MAN2C1: variants seen among roughly 807,000 people sequenced by gnomAD.
The protein encoded by MAN2C1 is alpha-mannosidase 2C1.
MAN2C1 carries 111 observed loss-of-function variants against 126.9 expected under a neutral mutation model. That is an observed-to-expected ratio of 0.87 (90% CI 0.75 to 1.02). The LOEUF (loss-of-function observed/expected upper bound fraction) is 1.02, where lower values mean the gene tolerates loss of function less well. Among genes scored for constraint, MAN2C1 ranks in the 50% least tolerant of loss-of-function variants. The probability of loss-of-function intolerance (pLI) is 0.00; values close to 1 mark genes in which losing one functional copy is unlikely to be tolerated. For synonymous variants in MAN2C1, 567 were observed against 561.5 expected, an observed-to-expected ratio of 1.01 and a Z score of -0.14; for missense variants, 1,363 against 1,364.4, an observed-to-expected ratio of 1.00 and a Z score of 0.02.
chr15:75,356,385 C>T lies in MAN2C1; in HGVS notation c.2802G>A (p.Leu934=). The T allele has an allele frequency of 6.2e-7, 1 of 1,611,290 alleles. No homozygotes were observed. Among genetic ancestry groups the T allele is most frequent in the Non-Finnish European group, 8.5e-7 (1 of 1,179,056 alleles). ...AYSLNFPLLA[L]PAPSPAPATS... ...TGGCGGGCGCTGGGCTGGGGGCTGG[C>T]AGAGCCAACAGGGGGAAGTTTAGGC... Residue 934 remains leucine (L), a synonymous_variant, in exon 24 of 26, where the codon CTG becomes CTA. Transcript: ENST00000267978. This position sits in a 1 kb window ranked among gnomAD's most constrained non-coding sequence, Gnocchi z 5.8.
chr15:75,364,140 T>G lies in MAN2C1; in HGVS notation c.649A>C (p.Asn217His), dbSNP rs2072530275. ...GGGTCACACACGTTCACCATCTGAT[T>G]GGCTGTGTACAGGGCCTGGAAGCTG... ...QRSFQALYTA[N>H]QMVNVCDPAQ... The change falls in exon 6 of 26, where the codon AAT (asparagine) becomes CAT (histidine). Residue 217 changes from asparagine (N) to histidine (H), a missense_variant. Physicochemically the swap from Asn to His is moderately conservative, Grantham distance 68. Transcript: ENST00000267978. 1.9e-6 allele frequency: 3 copies of G among 1,614,128 alleles called. No homozygotes were observed. In the East Asian group the frequency reaches 6.7e-5, roughly 36 times the overall value.
At position 75,360,109 on chromosome 15, in the gene MAN2C1, G is replaced by C. The variant is rs749849137; in HGVS notation, c.1687C>G (p.Gln563Glu). The C allele has an allele frequency of 1.9e-6, 3 of 1,613,962 alleles. No homozygotes were observed. Among genetic ancestry groups the C allele is most frequent in the Admixed American group, 3.3e-5 (2 of 60,024 alleles). The change falls in exon 14 of 26, where the codon CAG (glutamine) becomes GAG (glutamate). Residue 563 changes from glutamine (Q) to glutamate (E), a missense_variant. Transcript: ENST00000267978. ...GCTGACCTCCAGAGGTGCTGCAGCT[G>C]GGCTGCTGGGTATAGGAACTGGGCA... is the stretch of plus-strand genomic sequence containing the variant. Reference protein sequence around the residue: ...RSAQFLYPAAQLQHLWRLLLL... With the variant: ...RSAQFLYPAAELQHLWRLLLL...
chr15:75,358,935 A>G, intron 18 of MAN2C1, 124 bp downstream of exon 18: 1 of 1,449,484 alleles, frequency 6.9e-7, no homozygotes, highest in South Asian at 1.2e-5. Context: ...GCCCTGCTCC[A>G]TGTGTGGGTT....
rs762139724 is a variant in MAN2C1, at chr15:75,366,561, T to C, written c.383A>G (p.Tyr128Cys). ...TTCCCCCAGCCTGTCAGTCAGGACA[T>C]AGCTGGTCTTCTCACCCTCTTTGGT... is the stretch of plus-strand genomic sequence containing the variant. ...GLTKEGEKTS[Y>C]VLTDRLGERD... Residue 128 changes from tyrosine to cysteine, a missense_variant, in exon 4 of 26, where the codon TAT becomes TGT. Around this residue, in one of 3 missense-constraint regions of MAN2C1, gnomAD observed 628 missense variants for 609.8 expected, o/e 1.03. Transcript: ENST00000267978. The C allele has an allele frequency of 1.9e-6, 3 of 1,613,568 alleles. No individual in the cohort carries two copies. The highest frequency in any genetic ancestry group is 1.7e-6 in the Non-Finnish European group (2 of 1,179,744).
In MAN2C1 at chr15:75,364,489, T is replaced by G. The variant is rs1248584591; in HGVS notation, c.599A>C (p.Lys200Thr). 2.5e-5 allele frequency: 40 copies of G among 1,584,808 alleles called. No homozygotes were observed. Among genetic ancestry groups the G allele is most frequent in the Non-Finnish European group, 3.3e-5 (39 of 1,164,950 alleles). ...VDLELLLGIAKGLGKDNQRSF... is the reference protein window; with the variant it reads ...VDLELLLGIATGLGKDNQRSF... ...GGGGGTACAGGGGGTGTCAAGTACC[T>G]TGGCTATGCCCAGCAGCAGCTCCAG... is the stretch of plus-strand genomic sequence containing the variant. Residue 200 changes from lysine to threonine, a missense_variant and splice_region_variant, in exon 5 of 26, where the codon AAG becomes ACG. Physicochemically the swap from Lys to Thr is moderately conservative, Grantham distance 78. This residue lies in a region of MAN2C1 where 628 missense variants were observed against 609.8 expected (regional missense o/e 1.03). Transcript: ENST00000267978.
chr15:75,363,326 C>T (rs1237742634), intron 6 of MAN2C1: 1 of 455,972 alleles, frequency 2.2e-6, no homozygotes, highest in Non-Finnish European at 4.4e-6. Flanking sequence ...AAAACTCAGA[C>T]ACTGCAAACT....
At chr15:75,359,543 C>A (rs1206827468) in intron 16 of MAN2C1, 77 bp downstream of exon 16, 4 of 1,580,462 alleles carry the variant, frequency 2.5e-6, no homozygotes, top group Non-Finnish European at 3.5e-6. Context: ...ACCCAGATCC[C>A]TCGGGGTATC....
In MAN2C1 at chr15:75,356,670, T is replaced by A. The variant is rs745318963; in HGVS notation, c.2673A>T (p.Lys891Asn). Residue 891 changes from lysine to asparagine, a missense_variant, in exon 23 of 26, where the codon AAA (lysine) becomes AAT (asparagine). Coordinates refer to ENST00000267978, the MANE Select transcript of MAN2C1 (RefSeq NM_006715.4). This position sits in a 1 kb window ranked among gnomAD's most constrained non-coding sequence, Gnocchi z 5.8. ...ILSLSLLRAP[K>N]APDATADTGR... ...CCGTGTCAGCAGTAGCGTCCGGGGC[T>A]TTAGGCGCCCGCAAGCTGGGGTGAG... The A allele has an allele frequency of 1.9e-6, 3 of 1,589,222 alleles. No homozygotes were observed. The Admixed American group carries it at 5.4e-5, about 29-fold the overall frequency.
intron 6 of MAN2C1, 122 bp downstream of exon 6, chr15:75,363,877 G>A: frequency 9.2e-7 from 1 of 1,081,384 alleles, no homozygotes; most frequent in East Asian, 2.6e-5. Context: ...TTTACAGACG[G>A]GGAAAACGCA....
chr15:75,359,512 T>G, intron 16 of MAN2C1, 87 bp from the exon 17 acceptor site: 1 of 1,558,020 alleles, frequency 6.4e-7, no homozygotes, highest in Middle Eastern at 2.3e-4. Flanking sequence ...GAAGATGTGC[T>G]ACTACTCTCC....
In MAN2C1 at chr15:75,364,474, G is replaced by A. The variant is rs1487359578; in HGVS notation, c.600+14C>T. ...CTCTAGAGGGTAGCAGGGGGTACAG[G>A]GGGTGTCAAGTACCTTGGCTATGCC... is the stretch of plus-strand genomic sequence containing the variant. On this transcript the variant is annotated intron_variant, in intron 5 of 25. Transcript: ENST00000267978. 1.3e-6 allele frequency: 2 copies of A among 1,568,558 alleles called. No homozygotes were observed. Among genetic ancestry groups the A allele is most frequent in the Non-Finnish European group, 8.7e-7 (1 of 1,155,994 alleles).
intron 21 of MAN2C1, 119 bp downstream of exon 21, chr15:75,358,082 G>T: frequency 1.6e-6 from 2 of 1,246,322 alleles, no homozygotes; most frequent in Non-Finnish European, 2.3e-6. Flanking sequence ...GCAATGCCTG[G>T]CACACACGTT....
chr15:75,356,620 A>G lies in MAN2C1; in HGVS notation c.2723T>C (p.Leu908Pro). 6.4e-7 allele frequency: 1 copy of G among 1,563,574 alleles called. No individual in the cohort carries two copies. The highest frequency in any genetic ancestry group is 1.2e-5 in the South Asian group (1 of 85,704). Residue 908 changes from leucine (L) to proline (P), a missense_variant, in exon 23 of 26, where the codon CTG becomes CCG. Leu to Pro is a moderately conservative substitution (Grantham distance 98). This residue lies in a region of MAN2C1 where 668 missense variants were observed against 650.1 expected (regional missense o/e 1.03). Transcript: ENST00000267978. The surrounding 1 kb of genome is among the most constrained non-coding windows in gnomAD (Gnocchi z 5.8). ...DTGRHEFTYA[L>P]MPHKGSFQDA... is the part of the protein sequence containing the mutation. ...CCAGCACTCACCCTTGTGCGGCATC[A>G]GTGCATAGGTGAACTCGTGGCGCCC... is the stretch of plus-strand genomic sequence containing the variant.
Position 75,361,190 on chromosome 15 carries a change from A to C in MAN2C1, c.1316T>G (p.Val439Gly), listed in dbSNP as rs2072460673. 6.2e-7 allele frequency: 1 copy of C among 1,611,724 alleles called. No individual in the cohort carries two copies. Among genetic ancestry groups the C allele is most frequent in the East Asian group, 2.2e-5 (1 of 44,808 alleles). The change falls in exon 12 of 26, where the codon GTG (valine) becomes GGG (glycine). Residue 439 changes from valine (V) to glycine (G), a missense_variant and splice_region_variant. Physicochemically the swap from Val to Gly is moderately radical, Grantham distance 109. Around this residue, in one of 3 missense-constraint regions of MAN2C1, gnomAD observed 628 missense variants for 609.8 expected, o/e 1.03. Transcript: ENST00000267978. This position sits in a 1 kb window ranked among gnomAD's most constrained non-coding sequence, Gnocchi z 5.0. ...CCGGTTGTTGGCCACGGTCTTCAGCACCTAGACAGGTGAGGGCAGGCCAGC... is the reference window on the plus strand; with the variant it reads ...CCGGTTGTTGGCCACGGTCTTCAGCCCCTAGACAGGTGAGGGCAGGCCAGC... ...SYGMQGSVEE[V>G]LKTVANNRDK...
chr15:75,367,815 G>A, intron 2 of MAN2C1, 181 bp from the exon 3 acceptor site: 3 of 903,078 alleles, frequency 3.3e-6, no homozygotes, highest in Middle Eastern at 2.2e-4. Flanking sequence ...AACAGGCAGA[G>A]GCGTCAAAGG....
rs1284306464 is a variant in MAN2C1 at position 75,362,414 on chromosome 15, G to A, written c.937C>T (p.Leu313=). 8 of 1,613,620 alleles carry A rather than the reference G, an allele frequency of 5.0e-6. No individual in the cohort carries two copies. The highest frequency in any genetic ancestry group is 6.8e-6 in the Non-Finnish European group (8 of 1,179,998). Residue 313 remains leucine (L), a synonymous_variant, in exon 8 of 26, where the codon CTG becomes TTG. Coordinates refer to ENST00000267978, the MANE Select transcript of MAN2C1 (RefSeq NM_006715.4). The surrounding 1 kb of genome is among the most constrained non-coding windows in gnomAD (Gnocchi z 4.5). ...GCAAACTCCTGGATGCGGGAGTACA[G>A]GCCAGGGTAGCGGCTCTTCACCCAT... is the stretch of plus-strand genomic sequence containing the variant. ...LEWVKSRYPG[L]YSRIQEFACR...
chr15:75,357,990 G>T (rs563560572), intron 21 of MAN2C1: 6 of 555,322 alleles, frequency 1.1e-5, no homozygotes, highest in Non-Finnish European at 1.9e-5. Flanking sequence ...CCTGACCTCA[G>T]GTGATCCACC....
chr15:75,362,545 G>C lies in MAN2C1; in HGVS notation c.898-92C>G, dbSNP rs2072494956. On this transcript the variant is annotated intron_variant, in intron 7 of 25. Transcript: ENST00000267978. The surrounding 1 kb of genome is among the most constrained non-coding windows in gnomAD (Gnocchi z 4.5). ...GACTCAGTGTGTGGCTGAGGGTGAG[G>C]AGCAGCCCTGACCCCAGGCCTGGGA... 1.3e-6 allele frequency: 2 copies of C among 1,518,602 alleles called. No individual in the cohort carries two copies. The highest frequency in any genetic ancestry group is 1.8e-6 in the Non-Finnish European group (2 of 1,107,560). 94.1% of individuals were successfully genotyped at this position (1,518,602 alleles called of 1,614,324 possible). A position where few individuals can be genotyped will look rare whatever the true frequency, so the allele number is the denominator to read the frequency against.
At position 75,359,786 on chromosome 15, in the gene MAN2C1, A is replaced by G; in HGVS notation, c.1793-11T>C. On this transcript the variant is annotated splice_polypyrimidine_tract_variant and intron_variant, in intron 15 of 25. Coordinates refer to ENST00000267978, the MANE Select transcript of MAN2C1 (RefSeq NM_006715.4). The stretch of plus-strand genomic sequence containing the variant: ...CATGGGAACGGATGTCTGAGGAAAG[A>G]CTGGCTGGTCATAGGTGGGCAACAG... 1 of 1,613,836 alleles carries G rather than the reference A, an allele frequency of 6.2e-7. No homozygotes were observed. Among genetic ancestry groups the G allele is most frequent in the Non-Finnish European group, 8.5e-7 (1 of 1,179,948 alleles).
Sources: allele counts gnomAD v4.1 joint callset, GRCh38; gene constraint gnomAD v4.1.1; regional missense constraint gnomAD v4.1.1; non-coding constraint Gnocchi (gnomAD v3.1); transcripts MANE v1.5; gene names NCBI Gene and HGNC (gene_info 2026-07-23, HGNC 2026-07-21).